Variants in SLC9A2 observed in about 807,000 individuals in gnomAD.
The protein encoded by SLC9A2 is sodium/hydrogen exchanger 2.
Under a neutral mutation model 71.7 loss-of-function variants are expected in SLC9A2, and 42 were observed. The ratio of observed to expected loss-of-function variants is 0.59; its 90% CI spans 0.46 to 0.76. SLC9A2 has a LOEUF of 0.76. Among genes scored for constraint, SLC9A2 ranks in the 30% least tolerant of loss-of-function variants. SLC9A2 has a pLI of 0.00. For missense variants in SLC9A2, 829 were observed against 1,017.4 expected (o/e 0.81, Z 2.52); for synonymous variants, 396 against 392.5 (o/e 1.01, Z -0.10).
chr2:102,636,282 T>C (rs1186700513), intron 1 of SLC9A2, among the ~76,000 whole-genome samples: 1 of 152,110 alleles, frequency 6.6e-6, no homozygotes, highest in Non-Finnish European at 1.5e-5. Flanking sequence ...GCTTGGAAAA[T>C]ACAGTCTTTT....
chr2:102,661,341 T>C (rs1158853303), intron 2 of SLC9A2, among the ~76,000 whole-genome samples: 6 of 152,208 alleles, frequency 3.9e-5, no homozygotes, highest in Non-Finnish European at 8.8e-5. Flanking sequence ...AAGCCAGTAA[T>C]GGACCCCAGA....
At chr2:102,685,660 G>A (rs186605829) in intron 5 of SLC9A2, among the ~76,000 whole-genome samples, 109 of 148,726 alleles carry the variant, frequency 7.3e-4, no homozygotes, top group African/African-American at 2.6e-3. Flanking sequence ...GACTCCAGGG[G>A]TTTTGGCCTG....
At chr2:102,689,878 T>G (rs994042575) in intron 5 of SLC9A2, 2 of 152,228 alleles carry the variant, frequency 1.3e-5, no homozygotes, top group Admixed American at 6.5e-5. Flanking sequence ...GTGTCCATTT[T>G]GGACATATAT....
At chr2:102,654,964 T>C (rs1197723493) in intron 1 of SLC9A2, among the ~76,000 whole-genome samples, 2 of 152,198 alleles carry the variant, frequency 1.3e-5, no homozygotes, top group Non-Finnish European at 2.9e-5. Context: ...TATACCTGTA[T>C]AAGGCACTTA....
At chr2:102,647,120 C>T (rs181365483) in intron 1 of SLC9A2, among the ~76,000 whole-genome samples, 1 of 152,278 alleles carries the variant, frequency 6.6e-6, no homozygotes, top group Admixed American at 6.5e-5. Context: ...ATTTCTCAGA[C>T]CACACTGCAA....
chr2:102,694,506 A>G lies in SLC9A2; in HGVS notation c.1515+3A>G, dbSNP rs2104548452. 2 of 1,436,112 alleles carry G rather than the reference A, an allele frequency of 1.4e-6. No homozygotes were observed. Among genetic ancestry groups the G allele is most frequent in the South Asian group, 1.4e-5 (1 of 71,056 alleles). 89.0% of individuals were successfully genotyped at this position (1,436,112 alleles called of 1,614,324 possible). On this transcript the variant is annotated splice_donor_region_variant and intron_variant, in intron 6 of 11. Transcript: ENST00000233969. ...TCAGTGAAGAAATCTATTGTCGGGT[A>G]GGTGTTAAGAGAGTGTAATAATTTT...
intron 3 of SLC9A2, among the ~76,000 whole-genome samples, chr2:102,679,621 G>T (rs778251271): frequency 6.6e-6 from 1 of 151,936 alleles, no homozygotes. Flanking sequence ...CTCGTGATCC[G>T]CCCACCTCGG....
At chr2:102,681,405 A>T (rs1189508270) in intron 3 of SLC9A2, among the ~76,000 whole-genome samples, 3 of 152,216 alleles carry the variant, frequency 2.0e-5, no homozygotes, top group Non-Finnish European at 4.4e-5. Flanking sequence ...GCCCAGATTC[A>T]TACCCTGGCA....
At chr2:102,687,380 A>G (rs892677975) in intron 5 of SLC9A2, among the ~76,000 whole-genome samples, 1 of 152,200 alleles carries the variant, frequency 6.6e-6, no homozygotes, top group Admixed American at 6.5e-5. Flanking sequence ...ATCAATAATT[A>G]AGGAATTCAG....
chr2:102,620,207 C>A, intron 1 of SLC9A2, 70 bp downstream of exon 1: 1 of 1,403,352 alleles, frequency 7.1e-7, no homozygotes, highest in Non-Finnish European at 9.8e-7. Context: ...GTGACCGGGT[C>A]AGCCAGCTGA....
intron 3 of SLC9A2, among the ~76,000 whole-genome samples, chr2:102,680,920 G>C (rs1482930904): frequency 6.6e-6 from 1 of 152,038 alleles, no homozygotes; most frequent in African/African-American, 2.4e-5. Context: ...ATGCAGGGGG[G>C]CCTCTAGAAA....
intron 11 of SLC9A2, among the ~76,000 whole-genome samples, chr2:102,706,758 A>C (rs1461648450): frequency 6.6e-6 from 1 of 152,246 alleles, no homozygotes; most frequent in African/African-American, 2.4e-5. Context: ...AAAAGTTGTA[A>C]GTCTGCAAAT....
chr2:102,629,354 A>G (rs1245842509), intron 1 of SLC9A2, among the ~76,000 whole-genome samples: 1 of 152,132 alleles, frequency 6.6e-6, no homozygotes, highest in East Asian at 1.9e-4. Context: ...CATTTAAAAG[A>G]AAACTTGATT....
chr2:102,686,007 A>C (rs979794404), intron 5 of SLC9A2, among the ~76,000 whole-genome samples: 3 of 152,232 alleles, frequency 2.0e-5, no homozygotes, highest in African/African-American at 7.2e-5. Context: ...GGAGCAGCCA[A>C]GAAGAACTAA....
intron 1 of SLC9A2, among the ~76,000 whole-genome samples, chr2:102,641,470 G>A (rs1207371049): frequency 6.6e-6 from 1 of 151,472 alleles, no homozygotes; most frequent in Non-Finnish European, 1.5e-5. Context: ...TTTTGCACGT[G>A]CCGTTCTGCT....
rs114906919 is a variant in SLC9A2, at chr2:102,627,839, G to A, written c.289+7702G>A. Among the ~76,000 whole-genome samples the A allele has an allele frequency of 4.1e-3, 624 of 151,988 alleles. 7 individuals are homozygous for A. The highest frequency in any genetic ancestry group is 0.014 in the African/African-American group (590 of 41,448). ...TGTTCTGTTAATATTGTTAATTCCC[G>A]CCTTACAAGAGTAAGAAACACCAAT... On this transcript the variant is annotated intron_variant, in intron 1 of 11. Coordinates refer to ENST00000233969, the MANE Select transcript of SLC9A2 (RefSeq NM_003048.6).
rs563710720 is a variant in SLC9A2, at chr2:102,638,536, A to C, written c.289+18399A>C. On this transcript the variant is annotated intron_variant, in intron 1 of 11. Transcript: ENST00000233969. The stretch of plus-strand genomic sequence containing the variant: ...CAGGAGGCACTGTGTTAAGTCACAC[A>C]ATGAGTTCATCGTCTGTGAAAGGTA... Among the ~76,000 whole-genome samples, 18 of 152,330 alleles carry C rather than the reference A, an allele frequency of 1.2e-4. No homozygotes were observed. The South Asian group carries it at 3.3e-3, about 28-fold the overall frequency.
At chr2:102,703,273 T>A (rs1460589712) in intron 9 of SLC9A2, among the ~76,000 whole-genome samples, 1 of 152,228 alleles carries the variant, frequency 6.6e-6, no homozygotes, top group Non-Finnish European at 1.5e-5. Flanking sequence ...CAAGCTAAAC[T>A]ATTCGTTGAA....
intron 10 of SLC9A2, 33 bp from the exon 11 acceptor site, chr2:102,705,813 T>C (rs1677963175): frequency 2.3e-6 from 3 of 1,290,994 alleles, no homozygotes; most frequent in Non-Finnish European, 3.3e-6. Flanking sequence ...GCCATTTGTA[T>C]AGTTTAAGTA....
Sources: allele counts gnomAD v4.1 joint callset (sites outside exome capture counted in the v4.1 genomes callset), GRCh38; gene constraint gnomAD v4.1.1; transcripts MANE v1.5; gene names NCBI Gene and HGNC (gene_info 2026-07-23, HGNC 2026-07-21).